The following PTCH1 variants were observed in gnomAD, a reference collection of about 807,000 sequenced individuals.
The protein encoded by PTCH1 is patched 1.
In PTCH1, 14 loss-of-function variants were observed where a neutral mutation model predicts 144.6. That is an observed-to-expected ratio of 0.10 (90% CI 0.06 to 0.15). The LOEUF (loss-of-function observed/expected upper bound fraction) is 0.15, where lower values mean the gene tolerates loss of function less well. PTCH1 is among the 10% of genes least tolerant of loss of function. The probability of loss-of-function intolerance (pLI) is 1.00; values close to 1 mark genes in which losing one functional copy is unlikely to be tolerated. For synonymous variants in PTCH1, 833 were observed against 793.6 expected, an observed-to-expected ratio of 1.05 and a Z score of -0.83; for missense variants, 1,623 against 1,948.3, an observed-to-expected ratio of 0.83 and a Z score of 3.14.
At chr9:95,512,246 G>A (rs1042136848), upstream of PTCH1, among the ~76,000 whole-genome samples, 20 of 152,192 alleles carry the variant, frequency 1.3e-4, no homozygotes, top group Non-Finnish European at 2.5e-4. Flanking sequence ...AGTGCCCTGA[G>A]CCCCCTCGCC....
rs964800201 is a variant in PTCH1, at chr9:95,449,002, C to T, written c.3804+67G>A. 67 of 1,603,210 alleles carry T rather than the reference C, an allele frequency of 4.2e-5. No homozygotes were observed. Among genetic ancestry groups the T allele is most frequent in the Non-Finnish European group, 4.9e-5 (58 of 1,171,932 alleles). On this transcript the variant is annotated intron_variant, in intron 22 of 23. Coordinates refer to ENST00000331920, the MANE Select transcript of PTCH1 (RefSeq NM_000264.5). This position sits in a 1 kb window ranked among gnomAD's most constrained non-coding sequence, Gnocchi z 5.3. ...GTGCTGCTCAGCAGACAGGAGCCCC[C>T]GCTGGACCTCCAGGCCCACTACCAC...
At chr9:95,503,669 T>C (rs192676207) in intron 2 of PTCH1, among the ~76,000 whole-genome samples, 128 of 152,338 alleles carry the variant, frequency 8.4e-4, no homozygotes, top group Non-Finnish European at 1.6e-3. Context: ...GTTTCCCATC[T>C]GTAAAATGGG....
In PTCH1 at chr9:95,468,190, C is replaced by T. The variant is rs1399034393; in HGVS notation, c.2250+561G>A. Among the ~76,000 whole-genome samples the T allele has an allele frequency of 2.0e-5, 3 of 152,240 alleles. No homozygotes were observed. The East Asian group carries it at 5.8e-4, about 29-fold the overall frequency. On this transcript the variant is annotated intron_variant, in intron 14 of 23. Coordinates refer to ENST00000331920, the MANE Select transcript of PTCH1 (RefSeq NM_000264.5). The stretch of plus-strand genomic sequence containing the variant: ...TCAGTGACCCTCCCACCTCAGCCTC[C>T]TAAGCAGCTGGGACTATAGGCACAT...
In PTCH1 at chr9:95,448,970, G is replaced by A; in HGVS notation, c.3804+99C>T. 3.3e-6 allele frequency: 5 copies of A among 1,521,130 alleles called. No homozygotes were observed. In the African/African-American group the frequency reaches 5.5e-5, roughly 17 times the overall value. The allele number at this position is 1,521,130 out of a possible 1,614,324, so 94.2% of individuals were successfully genotyped here. A position where few individuals can be genotyped will look rare whatever the true frequency, so the allele number is the denominator to read the frequency against. On this transcript the variant is annotated intron_variant, in intron 22 of 23. Transcript: ENST00000331920. ...CCTTATCTCTGCATCCCATCTGCCT[G>A]TGTGATGTGCTGCTCAGCAGACAGG... is the stretch of plus-strand genomic sequence containing the variant.
intron 7 of PTCH1, 151 bp downstream of exon 7, chr9:95,479,818 C>T: frequency 7.7e-7 from 1 of 1,291,002 alleles, no homozygotes; most frequent in Non-Finnish European, 1.1e-6. Flanking sequence ...CAGTCTGCTA[C>T]TATTTCTTAA....
chr9:95,477,043 G>A (rs544377634), intron 10 of PTCH1, among the ~76,000 whole-genome samples, 186 bp from the exon 11 acceptor site: 4 of 152,352 alleles, frequency 2.6e-5, no homozygotes, highest in South Asian at 2.1e-4. Flanking sequence ...GATCCTGCAC[G>A]TTTCTACTTC....
intron 2 of PTCH1, among the ~76,000 whole-genome samples, chr9:95,502,475 G>A (rs1237480134): frequency 6.6e-6 from 1 of 152,154 alleles, no homozygotes; most frequent in Non-Finnish European, 1.5e-5. Flanking sequence ...CCACCTTGCT[G>A]CCATGGTCAT....
At chr9:95,511,281 C>T (rs28722570), upstream of PTCH1, among the ~76,000 whole-genome samples, 47 of 151,964 alleles carry the variant, frequency 3.1e-4, no homozygotes, top group East Asian at 5.2e-3. Flanking sequence ...CTTCGGCCTG[C>T]GCCTTCTCCT....
At chr9:95,510,980 C>T (rs1844123119), upstream of PTCH1, among the ~76,000 whole-genome samples, 2 of 150,222 alleles carry the variant, frequency 1.3e-5, no homozygotes, top group South Asian at 4.2e-4. Flanking sequence ...GAGGCGCGCG[C>T]CCAGCCGGCG....
chr9:95,478,078 C>A lies in PTCH1; in HGVS notation c.1324G>T (p.Val442Leu), dbSNP rs759493890. 7 of 1,614,170 alleles carry A rather than the reference C, an allele frequency of 4.3e-6. No individual in the cohort carries two copies. Among genetic ancestry groups the A allele is most frequent in the Non-Finnish European group, 5.9e-6 (7 of 1,180,036 alleles). Reference sequence around the variant, plus strand: ...ACCATGAGTAAGTAGCCGCTGGCCACGCGGATGACACTGACGTCAGAGAAG... The same window carrying A: ...ACCATGAGTAAGTAGCCGCTGGCCAAGCGGATGACACTGACGTCAGAGAAG... Reference protein sequence around the residue: ...KSFSDVSVIRVASGYLLMLAY... With the variant: ...KSFSDVSVIRLASGYLLMLAY... The change falls in exon 9 of 24, where the codon GTG becomes TTG. Residue 442 changes from valine (V) to leucine (L), a missense_variant. Physicochemically the swap from Val to Leu is conservative, Grantham distance 32. Coordinates refer to ENST00000331920, the MANE Select transcript of PTCH1 (RefSeq NM_000264.5).
At chr9:95,474,041 T>C (rs1281335194) in intron 12 of PTCH1, 1 of 484,970 alleles carries the variant, frequency 2.1e-6, no homozygotes, top group Non-Finnish European at 4.1e-6. Context: ...CTGGATTTTC[T>C]ACAAGGCTAC....
At chr9:95,507,413 C>T in intron 1 of PTCH1, 2 of 985,526 alleles carry the variant, frequency 2.0e-6, no homozygotes, top group Non-Finnish European at 2.4e-6. Context: ...TGGGTGCTCG[C>T]CTTCCCTGGA....
chr9:95,446,519 G>T, intron 23 of PTCH1, 128 bp from the exon 24 acceptor site: 1 of 463,412 alleles, frequency 2.2e-6, no homozygotes, highest in Non-Finnish European at 4.3e-6. Flanking sequence ...TGGGCCTGAG[G>T]TGTCCCTGGG....
Position 95,476,859 on chromosome 9 carries a change from T to TA in PTCH1, c.1504-3dup, listed in dbSNP as rs762810537. On this transcript the variant is annotated splice_region_variant and splice_polypyrimidine_tract_variant and intron_variant, in intron 10 of 23. Coordinates refer to ENST00000331920, the MANE Select transcript of PTCH1 (RefSeq NM_000264.5). This position sits in a 1 kb window ranked among gnomAD's most constrained non-coding sequence, Gnocchi z 4.6. ...ACCAAGAGCGAGAAATGGCAAAACC[T>TA]ACAGCAAAAACAGAGGATGGTGGCA... 4 of 1,613,258 alleles carry TA rather than the reference T, an allele frequency of 2.5e-6. No individual in the cohort carries two copies. In the African/African-American group the frequency reaches 4.0e-5, roughly 16 times the overall value.
In PTCH1 at chr9:95,506,607, C is replaced by A. The variant is rs750693438; in HGVS notation, c.202-8G>T. 1 of 1,609,824 alleles carries A rather than the reference C, an allele frequency of 6.2e-7. No homozygotes were observed. Among genetic ancestry groups the A allele is most frequent in the Admixed American group, 1.7e-5 (1 of 59,636 alleles). ...CCGGCCAGTAGCCTTCCCCTGGGGA[C>A]GAAGCAGAAGGGAGGAGTGAGCGCC... is the stretch of plus-strand genomic sequence containing the variant. On this transcript the variant is annotated splice_polypyrimidine_tract_variant and splice_region_variant and intron_variant, in intron 1 of 23. Transcript: ENST00000331920.
At chr9:95,515,055 T>C (rs1470188401) in intron 1 of PTCH1, among the ~76,000 whole-genome samples, 1 of 151,696 alleles carries the variant, frequency 6.6e-6, no homozygotes, top group African/African-American at 2.4e-5. Flanking sequence ...ACTTGGGCAC[T>C]CCATGCACCT....
chr9:95,489,063 C>T (rs573789118), intron 2 of PTCH1, among the ~76,000 whole-genome samples: 8 of 152,302 alleles, frequency 5.3e-5, no homozygotes, highest in South Asian at 4.1e-4. Flanking sequence ...ATAAAGTGCA[C>T]GACACTCATA....
At chr9:95,500,244 G>C (rs1048927704) in intron 2 of PTCH1, among the ~76,000 whole-genome samples, 3 of 152,122 alleles carry the variant, frequency 2.0e-5, no homozygotes, top group Non-Finnish European at 4.4e-5. Flanking sequence ...ACTTGGTGAA[G>C]GGTCAAGAAT....
rs1837693483 is a variant in PTCH1, at chr9:95,444,246, AT to A, written c.*2146del. 1.5e-5 allele frequency: 2 copies of A among 133,080 alleles called. No individual in the cohort carries two copies. The highest frequency in any genetic ancestry group is 5.5e-5 in the African/African-American group (2 of 36,166). The allele number at this position is 133,080 out of a possible 1,614,324, so 8.2% of individuals were successfully genotyped here. On this transcript the variant is annotated 3_prime_UTR_variant, in exon 24 of 24. Transcript: ENST00000331920. ...CAGTTCTCCCTTTGCCAATGTGACTATTGGAGAAAGTTCTACACCATGCAGA... is the reference window on the plus strand; with the variant it reads ...CAGTTCTCCCTTTGCCAATGTGACTATGGAGAAAGTTCTACACCATGCAGA...
Sources: allele counts gnomAD v4.1 joint callset (sites outside exome capture counted in the v4.1 genomes callset), GRCh38; gene constraint gnomAD v4.1.1; non-coding constraint Gnocchi (gnomAD v3.1); transcripts MANE v1.5; gene names NCBI Gene and HGNC (gene_info 2026-07-23, HGNC 2026-07-21).